Variants in ITGA9 observed in about 807,000 individuals in gnomAD.
ITGA9 encodes integrin alpha-9.
Under a neutral mutation model 127.8 loss-of-function variants are expected in ITGA9, and 56 were observed. That is an observed-to-expected ratio of 0.44 (90% CI 0.35 to 0.55). The LOEUF is 0.55. Among genes scored for constraint, ITGA9 ranks in the 20% least tolerant of loss-of-function variants. The probability of loss-of-function intolerance (pLI) is 0.00; values close to 1 mark genes in which losing one functional copy is unlikely to be tolerated. For synonymous variants in ITGA9, 508 were observed against 514.5 expected, an observed-to-expected ratio of 0.99 and a Z score of 0.17; for missense variants, 1,196 against 1,347.1, an observed-to-expected ratio of 0.89 and a Z score of 1.76.
At position 37,819,996 on chromosome 3, in the gene ITGA9, C is replaced by T. The variant is rs139984526; in HGVS notation, c.*1007C>T. 6.2e-4 allele frequency: 94 copies of T among 152,284 alleles called. No homozygotes were observed. Among genetic ancestry groups the T allele is most frequent in the African/African-American group, 2.1e-3 (86 of 41,552 alleles). 9.4% of individuals were successfully genotyped at this position (152,284 alleles called of 1,614,324 possible). On this transcript the variant is annotated 3_prime_UTR_variant, in exon 28 of 28. Transcript: ENST00000264741. Reference sequence around the variant, plus strand: ...TCCCCTACCACCCTGGCTGTCCCAGCTAGTGGTGATTGCAGATTCCTTCCC... The same window carrying T: ...TCCCCTACCACCCTGGCTGTCCCAGTTAGTGGTGATTGCAGATTCCTTCCC...
intron 25 of ITGA9, among the ~76,000 whole-genome samples, chr3:37,782,757 T>C (rs1383793918): frequency 2.0e-5 from 3 of 152,088 alleles, no homozygotes; most frequent in Non-Finnish European, 4.4e-5. Flanking sequence ...CCTTTTGACC[T>C]CAAGATCTGG....
At chr3:37,741,843 C>A in intron 21 of ITGA9, 24 bp downstream of exon 21, 1 of 1,577,374 alleles carries the variant, frequency 6.3e-7, no homozygotes, top group Non-Finnish European at 8.7e-7. Flanking sequence ...TCCTGGGTTG[C>A]CACAACACAG....
intron 17 of ITGA9, among the ~76,000 whole-genome samples, chr3:37,656,742 T>A (rs555406090): frequency 1.2e-4 from 18 of 152,332 alleles, no homozygotes; most frequent in Non-Finnish European, 2.2e-4. Context: ...ATAGGAGTGA[T>A]GAGCGAGGGC....
chr3:37,738,687 G>A (rs534976236), intron 20 of ITGA9, among the ~76,000 whole-genome samples: 15 of 152,226 alleles, frequency 9.9e-5, no homozygotes, highest in Admixed American at 2.0e-4. Context: ...CAGAACACTC[G>A]CCATTGTTGG....
At chr3:37,789,638 G>A (rs1363968529) in intron 26 of ITGA9, among the ~76,000 whole-genome samples, 83 of 150,892 alleles carry the variant, frequency 5.5e-4, no homozygotes, top group Non-Finnish European at 7.2e-4. Context: ...GTGTGGTGGC[G>A]GGCGCCTGTA....
chr3:37,536,910 T>C (rs1699213341), intron 14 of ITGA9, among the ~76,000 whole-genome samples: 1 of 152,260 alleles, frequency 6.6e-6, no homozygotes, highest in Non-Finnish European at 1.5e-5. Context: ...CCTCCAGGTC[T>C]GCACCAGTGG....
chr3:37,731,241 G>A (rs532791961), intron 18 of ITGA9, among the ~76,000 whole-genome samples: 71 of 152,056 alleles, frequency 4.7e-4, no homozygotes, highest in African/African-American at 1.6e-3. Context: ...TTTTTTAGAC[G>A]GAGTCTCGCA....
At chr3:37,625,386 G>A (rs1319023678) in intron 15 of ITGA9, among the ~76,000 whole-genome samples, 2 of 152,188 alleles carry the variant, frequency 1.3e-5, no homozygotes, top group Non-Finnish European at 2.9e-5. Flanking sequence ...TTCAGATGGA[G>A]CATATGTTAA....
chr3:37,586,962 C>T (rs1389425822), intron 15 of ITGA9, among the ~76,000 whole-genome samples: 1 of 152,172 alleles, frequency 6.6e-6, no homozygotes, highest in Non-Finnish European at 1.5e-5. Context: ...ATAATATAAG[C>T]CCAAGGACTT....
chr3:37,478,141 G>A (rs1271260149), intron 3 of ITGA9, among the ~76,000 whole-genome samples: 1 of 152,070 alleles, frequency 6.6e-6, no homozygotes, highest in Non-Finnish European at 1.5e-5. Flanking sequence ...CTTCCTCCTC[G>A]GTTGGGGAGC....
rs1261542457 is a variant in ITGA9 at position 37,613,523 on chromosome 3, T to C, written c.1690-15664T>C. ...CAAATGGTATTTCTAGTTCTAGATCTGTGAGGAATCACCACACTGACTTCC... is the reference window on the plus strand; with the variant it reads ...CAAATGGTATTTCTAGTTCTAGATCCGTGAGGAATCACCACACTGACTTCC... On this transcript the variant is annotated intron_variant, in intron 15 of 27. Coordinates refer to ENST00000264741, the MANE Select transcript of ITGA9 (RefSeq NM_002207.3). 1.4e-4 allele frequency among the ~76,000 whole-genome samples: 21 copies of C among 152,324 alleles called. No individual in the cohort carries two copies. In the South Asian group the frequency reaches 3.3e-3, roughly 24 times the overall value.
intron 23 of ITGA9, among the ~76,000 whole-genome samples, chr3:37,775,472 T>C (rs1250800294): frequency 3.3e-5 from 5 of 151,420 alleles, no homozygotes; most frequent in Non-Finnish European, 7.4e-5. Context: ...GTGAACCCCA[T>C]ATCTACTAAA....
At chr3:37,786,082 A>G (rs1250858776) in intron 26 of ITGA9, among the ~76,000 whole-genome samples, 2 of 152,162 alleles carry the variant, frequency 1.3e-5, no homozygotes, top group African/African-American at 4.8e-5. Flanking sequence ...AGGGGAGTAG[A>G]GGAGGAGACA....
chr3:37,781,116 C>T (rs886502604), intron 25 of ITGA9, among the ~76,000 whole-genome samples: 4 of 152,222 alleles, frequency 2.6e-5, no homozygotes, highest in African/African-American at 9.6e-5. Context: ...GTTTCTCATG[C>T]TTTAGCTTGC....
At chr3:37,664,420 CTTTTTTTTTTTTTTT>C (rs35312679) in intron 17 of ITGA9, among the ~76,000 whole-genome samples, 5 of 114,928 alleles carry the variant, frequency 4.4e-5, no homozygotes, top group Non-Finnish European at 7.0e-5. Context: ...TCAGCACATT[CTTTTTTTTTTTTTTT>C]TTTTTTTAGA....
At chr3:37,645,392 A>C (rs2125643471) in intron 16 of ITGA9, among the ~76,000 whole-genome samples, 1 of 152,256 alleles carries the variant, frequency 6.6e-6, no homozygotes, top group Admixed American at 6.5e-5. Context: ...ACACGGGGAA[A>C]CCCCATCTCT....
At position 37,542,535 on chromosome 3, in the gene ITGA9, C is replaced by G. The variant is rs775072727; in HGVS notation, c.1639C>G (p.Gln547Glu). The stretch of plus-strand genomic sequence containing the variant: ...CATGGGTCAGGTCACAGAGAAGCTG[C>G]AGCTGACTTACATGGAGGAGACGTG... ...ETMGQVTEKL[Q>E]LTYMEETCRH... Residue 547 changes from glutamine to glutamate, a missense_variant, in exon 15 of 28, where the codon CAG becomes GAG. By Grantham distance (29) the Gln-to-Glu change is conservative. Coordinates refer to ENST00000264741, the MANE Select transcript of ITGA9 (RefSeq NM_002207.3). 6.2e-7 allele frequency: 1 copy of G among 1,614,190 alleles called. No homozygotes were observed. Among genetic ancestry groups the G allele is most frequent in the Non-Finnish European group, 8.5e-7 (1 of 1,180,036 alleles).
intron 16 of ITGA9, among the ~76,000 whole-genome samples, chr3:37,643,439 G>A (rs1320441531): frequency 1.3e-5 from 2 of 152,170 alleles, no homozygotes; most frequent in Non-Finnish European, 2.9e-5. Flanking sequence ...ACTCATCAAA[G>A]GTTAGACCAT....
At chr3:37,725,712 C>G (rs1285557417) in intron 18 of ITGA9, among the ~76,000 whole-genome samples, 3 of 152,302 alleles carry the variant, frequency 2.0e-5, no homozygotes, top group South Asian at 2.1e-4. Flanking sequence ...ACACAGTAAA[C>G]CATTACTAAG....
Sources: gnomAD v4.1 joint callset for allele counts (sites outside exome capture counted in the v4.1 genomes callset) on GRCh38, gnomAD v4.1.1 for gene constraint, MANE v1.5 for transcripts, NCBI Gene and HGNC (gene_info 2026-07-23, HGNC 2026-07-21) for gene names.